SH3GL1: variants seen among roughly 807,000 people sequenced by gnomAD.
SH3GL1 encodes endophilin-A2.
Under a neutral mutation model 48.8 loss-of-function variants are expected in SH3GL1, and 21 were observed. The ratio of observed to expected loss-of-function variants is 0.43; its 90% CI spans 0.30 to 0.62. SH3GL1 has a LOEUF of 0.62. Ranked by LOEUF, SH3GL1 falls within the 20% of genes least tolerant of loss-of-function variation. The pLI is 0.11. For synonymous variants in SH3GL1, 282 were observed against 217.5 expected (o/e 1.30, Z -2.61); for missense variants, 454 against 503.0 (o/e 0.90, Z 0.93).
At chr19:4,375,804 G>A (rs1475915971) in intron 1 of SH3GL1, among the ~76,000 whole-genome samples, 1 of 152,196 alleles carries the variant, frequency 6.6e-6, no homozygotes, top group African/African-American at 2.4e-5. Context: ...CAAATGAGGC[G>A]ATAAATCCCC....
In SH3GL1 at chr19:4,367,569, C is replaced by T. The variant is rs1448031607; in HGVS notation, c.46-575G>A. On this transcript the variant is annotated intron_variant, in intron 1 of 9. Coordinates refer to ENST00000269886, the MANE Select transcript of SH3GL1 (RefSeq NM_003025.4). This position sits in a 1 kb window ranked among gnomAD's most constrained non-coding sequence, Gnocchi z 4.2. ...CAGGATGGGACAGCCCAGCCCTTGC[C>T]CCATGTGGACACTGAGTTTCACAAG... 6.6e-6 allele frequency among the ~76,000 whole-genome samples: 1 copy of T among 152,110 alleles called. No homozygotes were observed. The highest frequency in any genetic ancestry group is 1.5e-5 in the Non-Finnish European group (1 of 68,022).
chr19:4,375,279 T>C (rs1015945793), intron 1 of SH3GL1, among the ~76,000 whole-genome samples: 1 of 152,064 alleles, frequency 6.6e-6, no homozygotes, highest in African/African-American at 2.4e-5. Flanking sequence ...CTCCACTTGA[T>C]AAACAGGACA....
chr19:4,362,674 T>A lies in SH3GL1; in HGVS notation c.791A>T (p.Asp264Val). ...EYKPKPREPF[D>V]LGEPEQSNGG... Reference sequence around the variant, plus strand: ...GTTGGACTGCTCAGGCTCTCCAAGGTCAAAGGGCTCCCGGGGCTTGGGCTT... The same window carrying A: ...GTTGGACTGCTCAGGCTCTCCAAGGACAAAGGGCTCCCGGGGCTTGGGCTT... The change falls in exon 8 of 10, where the codon GAC (aspartate) becomes GTC (valine). Residue 264 changes from aspartate (D) to valine (V), a missense_variant. Asp to Val is a radical substitution (Grantham distance 152). Coordinates refer to ENST00000269886, the MANE Select transcript of SH3GL1 (RefSeq NM_003025.4). 1 of 1,613,940 alleles carries A rather than the reference T, an allele frequency of 6.2e-7. No homozygotes were observed. The highest frequency in any genetic ancestry group is 8.5e-7 in the Non-Finnish European group (1 of 1,179,942).
At chr19:4,393,306 A>AC (rs34747006) in intron 1 of SH3GL1, among the ~76,000 whole-genome samples, 41 of 151,774 alleles carry the variant, frequency 2.7e-4, no homozygotes, top group Admixed American at 1.2e-3. Context: ...ACAAAAAAAA[A>AC]CACCATCATA....
rs200191105 is a variant in SH3GL1, at chr19:4,363,342, T to C, written c.728+28A>G. On this transcript the variant is annotated intron_variant, in intron 7 of 9. Coordinates refer to ENST00000269886, the MANE Select transcript of SH3GL1 (RefSeq NM_003025.4). The stretch of plus-strand genomic sequence containing the variant: ...GCAGAGGGCGCATGGCAGCCCAGAC[T>C]CTGGAGAGACCAAGGCCCTGGGCTC... 1.4e-4 allele frequency: 211 copies of C among 1,550,740 alleles called. 1 individual carries two copies. Among genetic ancestry groups the C allele is most frequent in the Middle Eastern group, 5.6e-4 (3 of 5,376 alleles).
At chr19:4,370,061 AC>A (rs1972865718) in intron 1 of SH3GL1, among the ~76,000 whole-genome samples, 1 of 152,146 alleles carries the variant, frequency 6.6e-6, no homozygotes, top group Non-Finnish European at 1.5e-5. Flanking sequence ...CACGGAGGGG[AC>A]CGAGAGTCTG....
At chr19:4,378,240 G>C (rs779191600) in intron 1 of SH3GL1, among the ~76,000 whole-genome samples, 30 of 152,190 alleles carry the variant, frequency 2.0e-4, no homozygotes, top group Non-Finnish European at 3.5e-4. Flanking sequence ...TCAGAGCAAA[G>C]GTGTGCCGTA....
Position 4,361,334 on chromosome 19 carries a change from GGGAGGAGGCTGGC to G in SH3GL1, c.*253_*265del, listed in dbSNP as rs1287513374. 3.9e-6 allele frequency: 2 copies of G among 518,348 alleles called. No homozygotes were observed. The highest frequency in any genetic ancestry group is 6.9e-6 in the Non-Finnish European group (2 of 291,756). The allele number at this position is 518,348 out of a possible 1,614,324, so 32.1% of individuals were successfully genotyped here. A position where few individuals can be genotyped will look rare whatever the true frequency, so the allele number is the denominator to read the frequency against. On this transcript the variant is annotated 3_prime_UTR_variant, in exon 10 of 10. Transcript: ENST00000269886. ...AGCTGGGCGAGAAGTTGGGGAGCGG[GGGAGGAGGCTGGC>G]GCCATGGAGTGGGGAAGGGAGCCGT...
chr19:4,373,112 G>A (rs1316091242), intron 1 of SH3GL1, among the ~76,000 whole-genome samples: 1 of 117,638 alleles, frequency 8.5e-6, no homozygotes, highest in Non-Finnish European at 1.7e-5. Flanking sequence ...AGGAGGGGGA[G>A]GGAGAGGAGC....
At position 4,364,052 on chromosome 19, in the gene SH3GL1, G is replaced by T. The variant is rs1568407475; in HGVS notation, c.465+36C>A. On this transcript the variant is annotated intron_variant, in intron 5 of 9. Transcript: ENST00000269886. Reference sequence around the variant, plus strand: ...ATGGGGCTGCCCCATCCGGCAGGGGGAAGGGACAGGCCCCAGGCTGGCGCA... The same window carrying T: ...ATGGGGCTGCCCCATCCGGCAGGGGTAAGGGACAGGCCCCAGGCTGGCGCA... The T allele has an allele frequency of 1.9e-6, 3 of 1,611,484 alleles. No individual in the cohort carries two copies. In the South Asian group the frequency reaches 3.3e-5, roughly 18 times the overall value.
At chr19:4,375,402 A>G (rs1396301300) in intron 1 of SH3GL1, among the ~76,000 whole-genome samples, 1 of 152,236 alleles carries the variant, frequency 6.6e-6, no homozygotes, top group Non-Finnish European at 1.5e-5. Flanking sequence ...CCTGGAATGC[A>G]GTCAGGGCAG....
chr19:4,380,806 A>G (rs1599609244), intron 1 of SH3GL1, among the ~76,000 whole-genome samples: 2 of 152,232 alleles, frequency 1.3e-5, no homozygotes, highest in South Asian at 4.1e-4. Context: ...CTATCAGTCC[A>G]CTAGCTTTTA....
At chr19:4,368,336 C>G (rs1262996426) in intron 1 of SH3GL1, among the ~76,000 whole-genome samples, 3 of 152,194 alleles carry the variant, frequency 2.0e-5, no homozygotes, top group Non-Finnish European at 4.4e-5. Context: ...GGAAGTGACC[C>G]AAGAGCAGGA....
At position 4,400,504 on chromosome 19, in the gene SH3GL1, C is replaced by G. The variant is rs1430072017; in HGVS notation, c.-136G>C. 6 of 676,852 alleles carry G rather than the reference C, an allele frequency of 8.9e-6. No homozygotes were observed. Among genetic ancestry groups the G allele is most frequent in the African/African-American group, 2.0e-5 (1 of 51,242 alleles). 41.9% of individuals were successfully genotyped at this position (676,852 alleles called of 1,614,324 possible). ...CCGCTTGCCAGCTCCGCGCCCGCCCCGGCGCCGCCTCAGCCGCTCGCGCGC... is the reference window on the plus strand; with the variant it reads ...CCGCTTGCCAGCTCCGCGCCCGCCCGGGCGCCGCCTCAGCCGCTCGCGCGC... On this transcript the variant is annotated 5_prime_UTR_variant, in exon 1 of 10. Transcript: ENST00000269886. This position sits in a 1 kb window ranked among gnomAD's most constrained non-coding sequence, Gnocchi z 4.1.
chr19:4,388,704 C>T (rs553043582), intron 1 of SH3GL1, among the ~76,000 whole-genome samples: 2 of 152,358 alleles, frequency 1.3e-5, no homozygotes, highest in South Asian at 2.1e-4. Flanking sequence ...CTGAGCAGAC[C>T]GGCCCAGCCG....
chr19:4,399,904 C>T (rs1973491591), intron 1 of SH3GL1, among the ~76,000 whole-genome samples: 1 of 152,180 alleles, frequency 6.6e-6, no homozygotes, highest in African/African-American at 2.4e-5. Context: ...CAACTTTGTA[C>T]CTTGCCCATC....
chr19:4,387,122 G>C (rs1396905933), intron 1 of SH3GL1, among the ~76,000 whole-genome samples: 1 of 152,040 alleles, frequency 6.6e-6, no homozygotes, highest in Non-Finnish European at 1.5e-5. Context: ...ATTTTTAGCA[G>C]AGACACGGTT....
chr19:4,365,585 C>T lies in SH3GL1; in HGVS notation c.228G>A (p.Lys76=). Residue 76 remains lysine, a synonymous_variant, in exon 4 of 10, where the codon AAG becomes AAA. Coordinates refer to ENST00000269886, the MANE Select transcript of SH3GL1 (RefSeq NM_003025.4). ...AKLTMLNTVS[K]IRGQVKNPGY... Reference sequence around the variant, plus strand: ...CGGGGTTCTTCACCTGGCCCCGGATCTTGGACACCGTGTTGAGCATGGTCA... The same window carrying T: ...CGGGGTTCTTCACCTGGCCCCGGATTTTGGACACCGTGTTGAGCATGGTCA... 6.2e-7 allele frequency: 1 copy of T among 1,614,156 alleles called. No homozygotes were observed. The highest frequency in any genetic ancestry group is 8.5e-7 in the Non-Finnish European group (1 of 1,180,040).
In SH3GL1 at chr19:4,363,578, AGGGGACT is replaced by A. The variant is rs555982655; in HGVS notation, c.625-112_625-106del. The A allele has an allele frequency of 8.3e-4, 1,208 of 1,448,828 alleles. 17 individuals carry two copies. The South Asian group carries it at 0.013, about 15-fold the overall frequency. 89.7% of individuals were successfully genotyped at this position (1,448,828 alleles called of 1,614,324 possible). A position where few individuals can be genotyped will look rare whatever the true frequency, so the allele number is the denominator to read the frequency against. On this transcript the variant is annotated intron_variant, in intron 6 of 9. Coordinates refer to ENST00000269886, the MANE Select transcript of SH3GL1 (RefSeq NM_003025.4). Reference sequence around the variant, plus strand: ...GGAGGCAAGGGGGCTGAGAGGGGACAGGGGACTGGGGCCCATACCCTCCACCTCCCCT... The same window carrying A: ...GGAGGCAAGGGGGCTGAGAGGGGACAGGGGCCCATACCCTCCACCTCCCCT...
Sources: allele counts gnomAD v4.1 joint callset (sites outside exome capture counted in the v4.1 genomes callset), GRCh38; gene constraint gnomAD v4.1.1; non-coding constraint Gnocchi (gnomAD v3.1); transcripts MANE v1.5; gene names NCBI Gene and HGNC (gene_info 2026-07-23, HGNC 2026-07-21).